Variants in NCOR2 observed in about 807,000 individuals in gnomAD.
NCOR2 encodes nuclear receptor corepressor 2, also known as CTG repeat protein 26.
In NCOR2, 81 loss-of-function variants were observed where a neutral mutation model predicts 262.9. That is an observed-to-expected ratio of 0.31 (90% CI 0.26 to 0.37). The LOEUF (loss-of-function observed/expected upper bound fraction) is 0.37. Ranked by LOEUF, NCOR2 falls within the 10% of genes least tolerant of loss-of-function variation. The pLI is 1.00. For synonymous variants in NCOR2, 1,659 were observed against 1,559.3 expected (o/e 1.06, Z -1.51); for missense variants, 3,385 against 3,621.4 (o/e 0.93, Z 1.68).
rs190503183 is a variant in NCOR2, at chr12:124,383,857, G to C, written c.2019+1888C>G. ...GTCTCGCCCTGGGCCTAATGGGATG[G>C]TTCACCGTGCTGGGGTCTCTGGTCC... On this transcript the variant is annotated intron_variant, in intron 17 of 46. Transcript: ENST00000405201. Among the ~76,000 whole-genome samples the C allele has an allele frequency of 2.3e-3, 349 of 152,376 alleles. 2 individuals are homozygous for C. Among genetic ancestry groups the C allele is most frequent in the African/African-American group, 7.6e-3 (316 of 41,590 alleles).
chr12:124,343,924 G>T (rs2036682444), intron 32 of NCOR2, among the ~76,000 whole-genome samples: 1 of 152,198 alleles, frequency 6.6e-6, no homozygotes, highest in African/African-American at 2.4e-5. Context: ...CACCATGCCT[G>T]GCCGGAAGAC....
intron 4 of NCOR2, among the ~76,000 whole-genome samples, chr12:124,471,580 T>G (rs527751307): frequency 6.6e-6 from 1 of 152,364 alleles, no homozygotes; most frequent in South Asian, 2.1e-4. Context: ...CAGCAAAATT[T>G]CTTTTTGTTG....
At position 124,389,165 on chromosome 12, in the gene NCOR2, C is replaced by T. The variant is rs2136135091; in HGVS notation, c.1877-3278G>A. Among the ~76,000 whole-genome samples, 1 of 152,376 alleles carries T rather than the reference C, an allele frequency of 6.6e-6. No homozygotes were observed. The highest frequency in any genetic ancestry group is 2.4e-5 in the African/African-American group (1 of 41,592). On this transcript the variant is annotated intron_variant, in intron 16 of 46. Coordinates refer to ENST00000405201, the Ensembl canonical transcript of NCOR2. This position sits in a 1 kb window ranked among gnomAD's most constrained non-coding sequence, Gnocchi z 4.4. ...GCCGAGCTCCTCCAGCACCAATGTG[C>T]CCAGTGCGGACGCTCAGCGAGCAAT... is the stretch of plus-strand genomic sequence containing the variant.
At chr12:124,533,846 C>T (rs2050979881) in intron 1 of NCOR2, among the ~76,000 whole-genome samples, 1 of 152,080 alleles carries the variant, frequency 6.6e-6, no homozygotes, top group Admixed American at 6.5e-5. Flanking sequence ...CATCCAAGCT[C>T]GTCCAACCCC....
intron 11 of NCOR2, among the ~76,000 whole-genome samples, chr12:124,425,291 G>A (rs1244091): frequency 0.12 from 18,429 of 152,056 alleles, 1,365 homozygotes; most frequent in Admixed American, 0.17. Context: ...GGAGAATGGC[G>A]TGAACCCGGG....
rs1305277626 is a variant in NCOR2 at position 124,378,168 on chromosome 12, C to T, written c.2167+69G>A. 1.5e-5 allele frequency: 24 copies of T among 1,568,264 alleles called. No individual in the cohort carries two copies. Among genetic ancestry groups the T allele is most frequent in the Non-Finnish European group, 2.1e-5 (24 of 1,156,142 alleles). On this transcript the variant is annotated intron_variant, in intron 18 of 46. Transcript: ENST00000405201. The surrounding 1 kb of genome is among the most constrained non-coding windows in gnomAD (Gnocchi z 4.2). ...GGAGAGGAGGCTGCCGGGATCAGTT[C>T]CCGCTATGCCCTCCCTCAGAGCTCG...
chr12:124,361,959 C>T (rs2038623443), intron 22 of NCOR2, among the ~76,000 whole-genome samples, 167 bp downstream of exon 24: 1 of 152,266 alleles, frequency 6.6e-6, no homozygotes, highest in South Asian at 2.1e-4. Context: ...GCCGCAGTCC[C>T]TACCATTCCC....
chr12:124,479,448 CACGCAT>C (rs1326441300), intron 3 of NCOR2, among the ~76,000 whole-genome samples: 2 of 80,454 alleles, frequency 2.5e-5, no homozygotes, highest in Non-Finnish European at 6.2e-5. Flanking sequence ...TGTGTGCACA[CACGCAT>C]ACACACACAC....
At chr12:124,519,813 C>CG (rs1011474385) in intron 1 of NCOR2, among the ~76,000 whole-genome samples, 2 of 152,174 alleles carry the variant, frequency 1.3e-5, no homozygotes, top group Non-Finnish European at 2.9e-5. Context: ...CTCACACCAC[C>CG]GCGGCATAGG....
At chr12:124,419,529 A>G (rs1266622437) in intron 13 of NCOR2, among the ~76,000 whole-genome samples, 1 of 152,194 alleles carries the variant, frequency 6.6e-6, no homozygotes, top group Non-Finnish European at 1.5e-5. Flanking sequence ...TTTTTCTTTC[A>G]AGTATGTATT....
chr12:124,374,030 C>T (rs532912954), intron 19 of NCOR2, among the ~76,000 whole-genome samples: 6 of 152,304 alleles, frequency 3.9e-5, no homozygotes, highest in Admixed American at 1.3e-4. Context: ...AGAGCCCAGC[C>T]GCATTCCTGG....
chr12:124,340,268 G>T (rs200988267), intron 36 of NCOR2, 26 bp downstream of exon 38: 21 of 1,606,874 alleles, frequency 1.3e-5, no homozygotes, highest in Admixed American at 1.7e-5. Flanking sequence ...GTCCCGGAGC[G>T]GGGGGTGGGG....
intron 1 of NCOR2, among the ~76,000 whole-genome samples, chr12:124,509,114 C>T (rs1198926204): frequency 6.6e-6 from 1 of 152,100 alleles, no homozygotes; most frequent in African/African-American, 2.4e-5. Flanking sequence ...TCTGCCCACC[C>T]GGCCCCACTC....
intron 13 of NCOR2, among the ~76,000 whole-genome samples, chr12:124,403,884 C>T (rs2042120686): frequency 6.6e-6 from 1 of 152,174 alleles, no homozygotes; most frequent in Non-Finnish European, 1.5e-5. Context: ...GGCAGAGCCT[C>T]GGGCCTGCAT....
At chr12:124,456,105 G>A (rs2045837705) in intron 6 of NCOR2, among the ~76,000 whole-genome samples, 2 of 152,174 alleles carry the variant, frequency 1.3e-5, no homozygotes, top group Non-Finnish European at 2.9e-5. Flanking sequence ...CAAATTCCTG[G>A]CTTCATGCAA....
intron 1 of NCOR2, among the ~76,000 whole-genome samples, chr12:124,529,405 C>T (rs1268644076): frequency 4.6e-5 from 7 of 152,002 alleles, no homozygotes; most frequent in African/African-American, 1.7e-4. Context: ...ACCCGGGAGG[C>T]GGAGGTTGCA....
At chr12:124,390,679 G>A (rs1276876848) in intron 16 of NCOR2, among the ~76,000 whole-genome samples, 1 of 152,228 alleles carries the variant, frequency 6.6e-6, no homozygotes, top group African/African-American at 2.4e-5. Context: ...TCTGCAGGGG[G>A]CCCCGAACCC....
chr12:124,543,365 T>C (rs1209749298), intron 1 of NCOR2, among the ~76,000 whole-genome samples: 1 of 152,084 alleles, frequency 6.6e-6, no homozygotes, highest in African/African-American at 2.4e-5. Flanking sequence ...ATCACAATAA[T>C]AACAGCCCTC....
intron 16 of NCOR2, among the ~76,000 whole-genome samples, chr12:124,390,717 T>C: frequency 6.6e-6 from 1 of 152,192 alleles, no homozygotes; most frequent in East Asian, 1.9e-4. Flanking sequence ...GTATCCCCCT[T>C]GACATCCAGG....
Sources: allele counts gnomAD v4.1 joint callset (sites outside exome capture counted in the v4.1 genomes callset), GRCh38; gene constraint gnomAD v4.1.1; non-coding constraint Gnocchi (gnomAD v3.1); transcripts MANE v1.5; gene names NCBI Gene and HGNC (gene_info 2026-07-23, HGNC 2026-07-21).